The following CFAP52 variants were observed in gnomAD, a reference collection of about 807,000 sequenced individuals.
CFAP52 encodes cilia- and flagella-associated protein 52.
Under a neutral mutation model 70.5 loss-of-function variants are expected in CFAP52, and 57 were observed. The observed-to-expected ratio is 0.81, with a 90% CI of 0.65 to 1.01. The LOEUF (loss-of-function observed/expected upper bound fraction) is 1.01, where lower values mean the gene tolerates loss of function less well. CFAP52 is among the 50% of genes least tolerant of loss of function. CFAP52 has a pLI of 0.00. For synonymous variants in CFAP52, 267 were observed against 292.5 expected, an observed-to-expected ratio of 0.91 and a Z score of 0.89; for missense variants, 785 against 788.5, an observed-to-expected ratio of 1.00 and a Z score of 0.05.
chr17:9,612,579 AT>A, intron 8 of CFAP52, 100 bp downstream of exon 8: 1 of 1,338,284 alleles, frequency 7.5e-7, no homozygotes, highest in Non-Finnish European at 9.9e-7. Context: ...CATAGTTATG[AT>A]TTTTCTCCTT....
At chr17:9,594,079 T>TCA in intron 3 of CFAP52, 114 bp from the exon 4 acceptor site, 3 of 1,423,558 alleles carry the variant, frequency 2.1e-6, no homozygotes, top group Admixed American at 2.6e-5. Context: ...GTTGTTCGTT[T>TCA]TTAAGTAACC....
intron 10 of CFAP52, 135 bp downstream of exon 10, chr17:9,633,168 C>G: frequency 9.6e-7 from 1 of 1,038,264 alleles, no homozygotes; most frequent in Non-Finnish European, 1.3e-6. Flanking sequence ...TTGATGAGAT[C>G]TGAAAATATG....
At chr17:9,584,566 T>C (rs1037029489) in intron 1 of CFAP52, among the ~76,000 whole-genome samples, 3 of 151,444 alleles carry the variant, frequency 2.0e-5, no homozygotes, top group African/African-American at 7.3e-5. Context: ...TTGTGTGTGA[T>C]GAAAACACTT....
At chr17:9,631,517 T>A (rs1260802216) in intron 9 of CFAP52, among the ~76,000 whole-genome samples, 1 of 152,094 alleles carries the variant, frequency 6.6e-6, no homozygotes, top group Non-Finnish European at 1.5e-5. Flanking sequence ...GAGAAAACAT[T>A]CCAGGCAGAG....
chr17:9,612,416 A>T lies in CFAP52; in HGVS notation c.962A>T (p.Asp321Val), dbSNP rs770407483. The change falls in exon 8 of 14, where the codon GAT becomes GTT. Residue 321 changes from aspartate (D) to valine (V), a missense_variant. Physicochemically the swap from Asp to Val is radical, Grantham distance 152. Coordinates refer to ENST00000352665, the MANE Select transcript of CFAP52 (RefSeq NM_145054.5). ...CACATTTATCGTGTCAGCTTCACGGATTTCAAAGAGACGCTCATAGCGACT... is the reference window on the plus strand; with the variant it reads ...CACATTTATCGTGTCAGCTTCACGGTTTTCAAAGAGACGCTCATAGCGACT... ...ESHIYRVSFTDFKETLIATCH... is the reference protein window; with the variant it reads ...ESHIYRVSFTVFKETLIATCH... 2.5e-6 allele frequency: 4 copies of T among 1,614,102 alleles called. No homozygotes were observed. The highest frequency in any genetic ancestry group is 1.7e-5 in the Admixed American group (1 of 60,012).
At chr17:9,631,052 G>GAGAGAGAGAGAGAGAGAGAA (rs370935367) in intron 9 of CFAP52, among the ~76,000 whole-genome samples, 112 of 37,948 alleles carry the variant, frequency 3.0e-3, no homozygotes, top group South Asian at 6.8e-3. Flanking sequence ...GAGAGAGAGA[G>GAGAGAGAGAGAGAGAGAGAA]AGAAAGAAAG....
chr17:9,592,981 G>A (rs572301055), intron 3 of CFAP52, among the ~76,000 whole-genome samples: 122 of 152,186 alleles, frequency 8.0e-4, no homozygotes, highest in Non-Finnish European at 1.4e-3. Context: ...ATCTGTTAAT[G>A]TCCCACTGTG....
intron 6 of CFAP52, among the ~76,000 whole-genome samples, chr17:9,602,994 G>C (rs1909340001): frequency 6.6e-6 from 1 of 152,164 alleles, no homozygotes; most frequent in Admixed American, 6.5e-5. Context: ...AGGTTAAGGA[G>C]AGCAAGTCTT....
intron 4 of CFAP52, among the ~76,000 whole-genome samples, chr17:9,598,031 G>A (rs370711179): frequency 6.6e-5 from 10 of 152,098 alleles, no homozygotes; most frequent in African/African-American, 2.2e-4. Flanking sequence ...TTCAAGCTCC[G>A]CACTTTCTAA....
At chr17:9,615,630 T>C (rs1431180510) in intron 8 of CFAP52, among the ~76,000 whole-genome samples, 2 of 151,436 alleles carry the variant, frequency 1.3e-5, no homozygotes, top group African/African-American at 4.9e-5. Flanking sequence ...TGTTTTTTTT[T>C]CTTTTAGGAC....
intron 4 of CFAP52, 74 bp from the exon 5 acceptor site, chr17:9,598,160 C>A: frequency 8.5e-7 from 1 of 1,169,858 alleles, no homozygotes; most frequent in Non-Finnish European, 1.2e-6. Context: ...CTCTTCCCTT[C>A]AGTTTCAGGG....
chr17:9,629,505 C>CTTTCTTTCTTCTTTCTTTTT (rs1910368561), intron 9 of CFAP52, among the ~76,000 whole-genome samples: 10 of 146,364 alleles, frequency 6.8e-5, no homozygotes, highest in African/African-American at 2.6e-4. Flanking sequence ...CTTTTCTTTT[C>CTTTCTTTCTTCTTTCTTTTT]TTTCTTTCTT....
intron 3 of CFAP52, among the ~76,000 whole-genome samples, chr17:9,593,981 C>T (rs1908880274): frequency 6.6e-6 from 1 of 151,968 alleles, no homozygotes; most frequent in South Asian, 2.1e-4. Context: ...GAAACAATAA[C>T]AACAACAACA....
chr17:9,627,187 T>A (rs749551982), intron 8 of CFAP52, among the ~76,000 whole-genome samples: 2 of 152,042 alleles, frequency 1.3e-5, no homozygotes, highest in Non-Finnish European at 2.9e-5. Context: ...CTGGCACCAT[T>A]GTCTTTTCCT....
intron 7 of CFAP52, 115 bp downstream of exon 7, chr17:9,608,334 C>A: frequency 1.2e-6 from 1 of 842,966 alleles, no homozygotes; most frequent in Non-Finnish European, 1.7e-6. Context: ...AAAATTTCAT[C>A]TTGCTGTTAG....
At chr17:9,589,077 A>C (rs1908627546) in intron 3 of CFAP52, among the ~76,000 whole-genome samples, 1 of 152,092 alleles carries the variant, frequency 6.6e-6, no homozygotes, top group Non-Finnish European at 1.5e-5. Context: ...ACTCCAGCCT[A>C]GGTAACAGAG....
intron 6 of CFAP52, among the ~76,000 whole-genome samples, chr17:9,606,569 T>C (rs1294949826): frequency 6.6e-6 from 1 of 152,198 alleles, no homozygotes; most frequent in Non-Finnish European, 1.5e-5. Flanking sequence ...GCTCTTAACA[T>C]TGGAAATCTC....
chr17:9,597,232 ACAGAATTTCTTCC>A (rs1178361460), intron 4 of CFAP52, among the ~76,000 whole-genome samples: 5 of 152,202 alleles, frequency 3.3e-5, no homozygotes, highest in Non-Finnish European at 5.9e-5. Flanking sequence ...GTCACAAATG[ACAGAATTTCTTCC>A]CATTGCGTAC....
intron 6 of CFAP52, among the ~76,000 whole-genome samples, chr17:9,601,101 T>C (rs1909247571): frequency 6.6e-6 from 1 of 152,090 alleles, no homozygotes. Context: ...GATGAGTTCA[T>C]GTCCTTTGTA....
Sources: gnomAD v4.1 joint callset for allele counts (sites outside exome capture counted in the v4.1 genomes callset) on GRCh38, gnomAD v4.1.1 for gene constraint, MANE v1.5 for transcripts, NCBI Gene and HGNC (gene_info 2026-07-23, HGNC 2026-07-21) for gene names.